The following SRM variants were observed in gnomAD, a reference collection of about 807,000 sequenced individuals.
SRM encodes the protein spermidine synthase, also known as putrescine aminopropyltransferase.
A neutral mutation model predicts 39.3 loss-of-function variants in SRM; 14 were observed. That is an observed-to-expected ratio of 0.36 (90% CI 0.24 to 0.56). The LOEUF (loss-of-function observed/expected upper bound fraction) is 0.56, where lower values mean the gene tolerates loss of function less well. SRM is among the 20% of genes least tolerant of loss of function. The pLI, the probability that SRM is intolerant of heterozygous loss-of-function variation, is 0.86. For missense variants in SRM, 244 were observed against 409.2 expected, an observed-to-expected ratio of 0.60 and a Z score of 3.48; for synonymous variants, 195 against 173.1, an observed-to-expected ratio of 1.13 and a Z score of -0.99.
intron 4 of SRM, 100 bp downstream of exon 4, chr1:11,056,504 G>T (rs1253603698): frequency 1.4e-6 from 2 of 1,426,038 alleles, no homozygotes; most frequent in Non-Finnish European, 1.9e-6. Context: ...TCTAGTTCGG[G>T]GGGTGGGAGG....
chr1:11,056,903 G>T, intron 3 of SRM, 146 bp from the exon 4 acceptor site: 1 of 800,292 alleles, frequency 1.2e-6, no homozygotes, highest in Non-Finnish European at 1.9e-6. Context: ...TTTGAGACAG[G>T]GTCTCACTTT....
chr1:11,059,076 G>A (rs1292082456), intron 2 of SRM, 149 bp downstream of exon 2: 8 of 1,428,820 alleles, frequency 5.6e-6, no homozygotes, highest in Middle Eastern at 2.5e-4. Flanking sequence ...TTCCGAGGCC[G>A]CGTCAGTGTC....
chr1:11,059,269 TCTC>T lies in SRM; in HGVS notation c.241_243del (p.Glu81del), dbSNP rs757135392. 6.2e-7 allele frequency: 1 copy of T among 1,613,422 alleles called. No homozygotes were observed. Among genetic ancestry groups the T allele is most frequent in the Non-Finnish European group, 8.5e-7 (1 of 1,179,942 alleles). ...CTGCAGAGAGGCAGGTTGGCGATCA[TCTC>T]CTGGTAGGAGAACTCGTCTCTCTCC... On this transcript the variant is annotated inframe_deletion, in exon 2 of 8. Coordinates refer to ENST00000376957, the MANE Select transcript of SRM (RefSeq NM_003132.3).
intron 2 of SRM, 35 bp from the exon 3 acceptor site, chr1:11,058,927 G>T: frequency 6.4e-7 from 1 of 1,564,246 alleles, no homozygotes; most frequent in Non-Finnish European, 8.7e-7. Context: ...AGGGGCCCTG[G>T]CAGGACTGGG....
At chr1:11,056,511 G>A in intron 4 of SRM, 93 bp downstream of exon 4, 3 of 1,488,280 alleles carry the variant, frequency 2.0e-6, no homozygotes, top group Non-Finnish European at 2.7e-6. Context: ...CGGGGGGTGG[G>A]AGGCCGCTCT....
chr1:11,059,673 G>C, intron 1 of SRM, 104 bp downstream of exon 1: 1 of 1,315,450 alleles, frequency 7.6e-7, no homozygotes, highest in Non-Finnish European at 1.0e-6. Flanking sequence ...AGGGCAGGAC[G>C]AGGTCCAGCC....
At chr1:11,058,175 T>C (rs566661933) in intron 3 of SRM, among the ~76,000 whole-genome samples, 11 of 152,316 alleles carry the variant, frequency 7.2e-5, no homozygotes, top group African/African-American at 2.6e-4. Context: ...ACCTGGCACG[T>C]AGCATGATTT....
chr1:11,055,123 T>C, intron 6 of SRM, 39 bp from the exon 7 acceptor site: 2 of 1,019,456 alleles, frequency 2.0e-6, no homozygotes, highest in Non-Finnish European at 1.3e-6. Flanking sequence ...GGGGGCACTT[T>C]TTTTTTTTTT....
At chr1:11,057,895 C>A in intron 3 of SRM, among the ~76,000 whole-genome samples, 1 of 152,158 alleles carries the variant, frequency 6.6e-6, no homozygotes, top group East Asian at 1.9e-4. Context: ...TCTTCCACCT[C>A]AGCCTCCCTA....
At chr1:11,058,717 G>T in intron 3 of SRM, 83 bp downstream of exon 3, 1 of 1,250,206 alleles carries the variant, frequency 8.0e-7, no homozygotes, top group Non-Finnish European at 1.1e-6. Flanking sequence ...TACCTGCCTT[G>T]CTCGGGGGTG....
In SRM at chr1:11,058,906, G is replaced by A; in HGVS notation, c.289-14C>T. Reference sequence around the variant, plus strand: ...GATGATCAGCACCTGGGAGGAGGGGGCAGTCAAGGCAGGGGCCCTGGCAGG... The same window carrying A: ...GATGATCAGCACCTGGGAGGAGGGGACAGTCAAGGCAGGGGCCCTGGCAGG... On this transcript the variant is annotated splice_polypyrimidine_tract_variant and intron_variant, in intron 2 of 7. Transcript: ENST00000376957. 6.3e-7 allele frequency: 1 copy of A among 1,594,130 alleles called. No homozygotes were observed. The highest frequency in any genetic ancestry group is 1.3e-5 in the African/African-American group (1 of 74,592).
rs1023597282 is a variant in SRM at position 11,055,064 on chromosome 1, C to T, written c.786G>A (p.Pro262=). 2.4e-5 allele frequency: 39 copies of T among 1,610,608 alleles called. No homozygotes were observed. Among genetic ancestry groups the T allele is most frequent in the African/African-American group, 4.0e-5 (3 of 74,766 alleles). ...SKNPSTNFQE[P]VQPLTQQQVA... is the part of the protein sequence containing the mutation. ...CCTGCTGCTGTGTCAGCGGCTGCACCGGCTCCTGGAAGTTCGTGCTCTGGG... is the reference window on the plus strand; with the variant it reads ...CCTGCTGCTGTGTCAGCGGCTGCACTGGCTCCTGGAAGTTCGTGCTCTGGG... Residue 262 remains proline, a synonymous_variant, in exon 7 of 8, where the codon CCG becomes CCA. Coordinates refer to ENST00000376957, the MANE Select transcript of SRM (RefSeq NM_003132.3).
At position 11,055,051 on chromosome 1, in the gene SRM, T is replaced by C. The variant is rs1419518273; in HGVS notation, c.799A>G (p.Thr267Ala). The stretch of plus-strand genomic sequence containing the variant: ...TGCATCTGCGCCACCTGCTGCTGTG[T>C]CAGCGGCTGCACCGGCTCCTGGAAG... ...TNFQEPVQPL[T>A]QQQVAQMQLK... Residue 267 changes from threonine to alanine, a missense_variant, in exon 7 of 8, where the codon ACA becomes GCA. Physicochemically the swap from Thr to Ala is moderately conservative, Grantham distance 58. Transcript: ENST00000376957. The C allele has an allele frequency of 6.2e-7, 1 of 1,611,634 alleles. No homozygotes were observed. The highest frequency in any genetic ancestry group is 8.5e-7 in the Non-Finnish European group (1 of 1,179,298).
chr1:11,059,413 T>C (rs775096181), intron 1 of SRM, 68 bp from the exon 2 acceptor site: 1 of 1,596,764 alleles, frequency 6.3e-7, no homozygotes, highest in South Asian at 1.1e-5. Flanking sequence ...CAAGCCGCCC[T>C]GGGTGAGGAG....
intron 6 of SRM, among the ~76,000 whole-genome samples, chr1:11,055,397 C>T (rs1160311585): frequency 5.3e-5 from 8 of 151,038 alleles, no homozygotes; most frequent in African/African-American, 1.9e-4. Flanking sequence ...GCATGAGACA[C>T]CGCACCTGGC....
In SRM at chr1:11,055,163, G is replaced by A. The variant is rs905291671; in HGVS notation, c.766-79C>T. 12 of 1,488,160 alleles carry A rather than the reference G, an allele frequency of 8.1e-6. No homozygotes were observed. In the Admixed American group the frequency reaches 1.1e-4, roughly 14 times the overall value. The allele number at this position is 1,488,160 out of a possible 1,614,324, so 92.2% of individuals were successfully genotyped here. On this transcript the variant is annotated intron_variant, in intron 6 of 7. Transcript: ENST00000376957. ...TGAGACGGAGTCTCACTGTTGCCAC[G>A]CTGGAGTGCAGTGGCGTCATCTCAG...
Position 11,055,051 on chromosome 1 carries a change from TC to T in SRM, c.798del (p.Thr267HisfsTer10). The part of the protein sequence containing the change: ...STNFQEPVQP[L>X]TQQQVAQMQL... ...TGCATCTGCGCCACCTGCTGCTGTG[TC>T]AGCGGCTGCACCGGCTCCTGGAAGT... On this transcript the variant is annotated frameshift_variant, in exon 7 of 8. Transcript: ENST00000376957. LOFTEE classifies it high-confidence loss of function. 6.2e-7 allele frequency: 1 copy of T among 1,611,634 alleles called. No individual in the cohort carries two copies. Among genetic ancestry groups the T allele is most frequent in the Non-Finnish European group, 8.5e-7 (1 of 1,179,298 alleles).
intron 2 of SRM, 95 bp from the exon 3 acceptor site, chr1:11,058,987 C>A: frequency 7.5e-7 from 1 of 1,332,408 alleles, no homozygotes. Flanking sequence ...ACCCACGGGC[C>A]TCATCTTTTT....
intron 1 of SRM, 154 bp from the exon 2 acceptor site, chr1:11,059,499 G>T: frequency 7.5e-7 from 1 of 1,324,750 alleles, no homozygotes; most frequent in Non-Finnish European, 1.0e-6. Context: ...CAGGCGGGCC[G>T]CCGGGTGGAG....
Sources: gnomAD v4.1 joint callset for allele counts (sites outside exome capture counted in the v4.1 genomes callset) on GRCh38, gnomAD v4.1.1 for gene constraint, MANE v1.5 for transcripts, NCBI Gene and HGNC (gene_info 2026-07-23, HGNC 2026-07-21) for gene names.